NOL4L: variants seen among roughly 807,000 people sequenced by gnomAD.
The protein encoded by NOL4L is nucleolar protein 4-like.
NOL4L carries 7 observed loss-of-function variants against 64.5 expected under a neutral mutation model. That is an observed-to-expected ratio of 0.11 (90% CI 0.06 to 0.20). The LOEUF (loss-of-function observed/expected upper bound fraction) is 0.20. Ranked by LOEUF, NOL4L falls within the 10% of genes least tolerant of loss-of-function variation. The pLI is 1.00. For synonymous variants in NOL4L, 413 were observed against 401.0 expected, an observed-to-expected ratio of 1.03 and a Z score of -0.36; for missense variants, 680 against 967.1, an observed-to-expected ratio of 0.70 and a Z score of 3.94.
intron 1 of NOL4L, among the ~76,000 whole-genome samples, chr20:32,541,476 G>A (rs2018653780): frequency 6.6e-6 from 1 of 152,230 alleles, no homozygotes; most frequent in Non-Finnish European, 1.5e-5. Flanking sequence ...CATGAGCCAA[G>A]CTCCAGCCAC....
chr20:32,494,252 G>GAAAAAAAAAAAAAAAAAA (rs1568654908), intron 4 of NOL4L, among the ~76,000 whole-genome samples: 5 of 27,098 alleles, frequency 1.8e-4, no homozygotes, highest in African/African-American at 7.7e-4. Context: ...GATAATCTCG[G>GAAAAAAAAAAAAAAAAAA]GAAAAAAAAA....
intron 3 of NOL4L, among the ~76,000 whole-genome samples, chr20:32,515,020 G>A (rs573001792): frequency 4.6e-5 from 7 of 152,256 alleles, no homozygotes; most frequent in Admixed American, 1.3e-4. Flanking sequence ...ACTGATGGTC[G>A]CCCCTGTCCT....
At chr20:32,451,980 G>A (rs577644291) in intron 10 of NOL4L, among the ~76,000 whole-genome samples, 18 of 152,232 alleles carry the variant, frequency 1.2e-4, no homozygotes, top group African/African-American at 2.2e-4. Context: ...TGGAGCAAGC[G>A]TCACTGGCGG....
intron 4 of NOL4L, among the ~76,000 whole-genome samples, chr20:32,500,298 C>T (rs1175408625): frequency 6.6e-6 from 1 of 151,004 alleles, no homozygotes; most frequent in Non-Finnish European, 1.5e-5. Flanking sequence ...GACCCTTCTG[C>T]CTTGGCCTCC....
chr20:32,519,490 C>G (rs995923888), intron 3 of NOL4L: 12 of 144,974 alleles, frequency 8.3e-5, no homozygotes, highest in African/African-American at 2.9e-4. Flanking sequence ...TCAGCAACTT[C>G]CACAGGCCCG....
At chr20:32,537,752 C>A (rs1467750550) in intron 1 of NOL4L, among the ~76,000 whole-genome samples, 1 of 151,586 alleles carries the variant, frequency 6.6e-6, no homozygotes, top group African/African-American at 2.4e-5. Context: ...AGTTTCTAGG[C>A]CTAAAGCCAC....
chr20:32,574,981 ACCTAGCC>A (rs1980001671), intron 1 of NOL4L, among the ~76,000 whole-genome samples: 1 of 151,108 alleles, frequency 6.6e-6, no homozygotes, highest in Non-Finnish European at 1.5e-5. Flanking sequence ...CTCCCACCTC[ACCTAGCC>A]CCAGCCACTC....
At chr20:32,471,261 C>T (rs542654788) in intron 5 of NOL4L, among the ~76,000 whole-genome samples, 6 of 148,198 alleles carry the variant, frequency 4.0e-5, no homozygotes, top group Non-Finnish European at 5.9e-5. Flanking sequence ...GGCATGCTCC[C>T]GGGGAGTGAG....
chr20:32,521,035 G>T, intron 2 of NOL4L, 113 bp from the exon 3 acceptor site: 1 of 596,744 alleles, frequency 1.7e-6, no homozygotes, highest in Non-Finnish European at 2.9e-6. Flanking sequence ...TGCAAGGAAA[G>T]TCAGGGATTT....
intron 1 of NOL4L, among the ~76,000 whole-genome samples, chr20:32,579,160 C>T (rs535323186): frequency 1.4e-4 from 21 of 152,296 alleles, no homozygotes; most frequent in Non-Finnish European, 2.9e-4. Flanking sequence ...CACGCAGTCA[C>T]ACCCGCAGCT....
At chr20:32,534,988 G>A (rs1600849109) in intron 1 of NOL4L, among the ~76,000 whole-genome samples, 1 of 152,052 alleles carries the variant, frequency 6.6e-6, no homozygotes. Context: ...AAAGAAGCAA[G>A]GGGGAGGAGT....
intron 1 of NOL4L, among the ~76,000 whole-genome samples, chr20:32,554,190 A>G (rs977347572): frequency 6.6e-6 from 1 of 151,932 alleles, no homozygotes; most frequent in Non-Finnish European, 1.5e-5. Flanking sequence ...GCGTGGTGGC[A>G]GGTGCCTGTA....
intron 1 of NOL4L, among the ~76,000 whole-genome samples, chr20:32,539,942 G>A (rs942075284): frequency 8.5e-5 from 13 of 152,160 alleles, no homozygotes; most frequent in Non-Finnish European, 1.8e-4. Context: ...CCCCTCGGCC[G>A]GGGCTGATAT....
At chr20:32,559,058 G>A (rs141476025) in intron 1 of NOL4L, among the ~76,000 whole-genome samples, 1 of 152,318 alleles carries the variant, frequency 6.6e-6, no homozygotes, top group East Asian at 1.9e-4. Flanking sequence ...TTGTAGAAGA[G>A]AGCTGTAGTG....
intron 4 of NOL4L, among the ~76,000 whole-genome samples, chr20:32,493,517 C>T (rs142190221): frequency 1.3e-3 from 200 of 152,212 alleles, no homozygotes; most frequent in African/African-American, 4.5e-3. Context: ...ACTTGACTCT[C>T]CAAGCCTTGG....
At chr20:32,500,538 C>CT (rs35172494) in intron 4 of NOL4L, among the ~76,000 whole-genome samples, 41,190 of 129,426 alleles carry the variant, frequency 0.32, 7,735 homozygotes, top group East Asian at 0.79. Context: ...GTATTTCTTT[C>CT]TTTTTTTTTT....
chr20:32,511,839 T>C (rs2017420771), intron 3 of NOL4L, among the ~76,000 whole-genome samples: 1 of 151,976 alleles, frequency 6.6e-6, no homozygotes, highest in Non-Finnish European at 1.5e-5. Flanking sequence ...ATCTCGTCTT[T>C]ACAAATAATA....
Position 32,463,083 on chromosome 20 carries a change from C to T in NOL4L, c.842-6688G>A, listed in dbSNP as rs1048473650. ...TCTTATCTACAGTCCTGGGAGTTGC[C>T]GCTGACGCCCTCCTGGGCTCTGGCA... On this transcript the variant is annotated intron_variant, in intron 5 of 10. Transcript: ENST00000621426. The surrounding 1 kb of genome is among the most constrained non-coding windows in gnomAD (Gnocchi z 5.8). 6.6e-6 allele frequency among the ~76,000 whole-genome samples: 1 copy of T among 151,978 alleles called. No homozygotes were observed. The highest frequency in any genetic ancestry group is 6.6e-5 in the Admixed American group (1 of 15,248).
At chr20:32,465,167 G>A in intron 5 of NOL4L, 1 of 478,638 alleles carries the variant, frequency 2.1e-6, no homozygotes, top group South Asian at 3.7e-5. Flanking sequence ...CACCAATTAT[G>A]CGTCAGGTCC....
Sources: allele counts gnomAD v4.1 joint callset (sites outside exome capture counted in the v4.1 genomes callset), GRCh38; gene constraint gnomAD v4.1.1; non-coding constraint Gnocchi (gnomAD v3.1); transcripts MANE v1.5; gene names NCBI Gene and HGNC (gene_info 2026-07-23, HGNC 2026-07-21).